The following DICER1 variants were observed in gnomAD, a reference collection of about 807,000 sequenced individuals.
The protein encoded by DICER1 is endoribonuclease Dicer.
Under a neutral mutation model 194.1 loss-of-function variants are expected in DICER1, and 43 were observed. The observed-to-expected ratio is 0.22, with a 90% CI of 0.17 to 0.29. The LOEUF is 0.29. DICER1 is among the 10% of genes least tolerant of loss of function. The pLI, the probability that DICER1 is intolerant of heterozygous loss-of-function variation, is 1.00. For missense variants in DICER1, 1,608 were observed against 2,317.0 expected (o/e 0.69, Z 6.28); for synonymous variants, 832 against 820.5 (o/e 1.01, Z -0.24).
At chr14:95,106,446 T>C (rs928562940) in intron 17 of DICER1, among the ~76,000 whole-genome samples, 3 of 152,196 alleles carry the variant, frequency 2.0e-5, no homozygotes, top group African/African-American at 2.4e-5. Context: ...ATTATTCTTG[T>C]TCTAAATATC....
chr14:95,088,286 C>G lies in DICER1; in HGVS notation c.*2212G>C, dbSNP rs1889500160. 1 of 231,848 alleles carries G rather than the reference C, an allele frequency of 4.3e-6. No individual in the cohort carries two copies. Among genetic ancestry groups the G allele is most frequent in the Non-Finnish European group, 8.5e-6 (1 of 117,066 alleles). 14.4% of individuals were successfully genotyped at this position (231,848 alleles called of 1,614,324 possible). ...TCTTAAGGTTACAAATATATTGAGG[C>G]ATTTTTCTCCCACTGGGAATCATAA... On this transcript the variant is annotated 3_prime_UTR_variant, in exon 27 of 27. Transcript: ENST00000343455.
intron 8 of DICER1, among the ~76,000 whole-genome samples, chr14:95,122,894 A>G (rs10137733): frequency 2.6e-5 from 4 of 152,048 alleles, no homozygotes; most frequent in African/African-American, 9.7e-5. Context: ...TAAAACCCCT[A>G]AACATTCAGA....
chr14:95,130,306 GT>G, intron 4 of DICER1, 114 bp from the exon 5 acceptor site: 1 of 1,035,466 alleles, frequency 9.7e-7, no homozygotes, highest in Non-Finnish European at 1.4e-6. Context: ...GAATTCATTA[GT>G]CAAAATTAAA....
chr14:95,144,554 C>A (rs751729974), intron 1 of DICER1, among the ~76,000 whole-genome samples: 1 of 152,074 alleles, frequency 6.6e-6, no homozygotes, highest in Non-Finnish European at 1.5e-5. Flanking sequence ...CTACCTAGAA[C>A]CATTTTTTTT....
At chr14:95,127,110 G>A (rs552254127) in intron 6 of DICER1, among the ~76,000 whole-genome samples, 4 of 152,278 alleles carry the variant, frequency 2.6e-5, no homozygotes, top group South Asian at 4.1e-4. Context: ...GGAGGATGAC[G>A]AAGGAAATGA....
At chr14:95,145,434 G>A (rs1895070212) in intron 1 of DICER1, among the ~76,000 whole-genome samples, 1 of 152,116 alleles carries the variant, frequency 6.6e-6, no homozygotes, top group South Asian at 2.1e-4. Context: ...TTACTGGCTG[G>A]ACAGACATCA....
intron 12 of DICER1, 114 bp downstream of exon 12, chr14:95,112,978 G>T (rs1038672893): frequency 3.5e-6 from 4 of 1,159,284 alleles, no homozygotes; most frequent in East Asian, 2.4e-5. Context: ...TCCTGCTCAT[G>T]AAAGTAGATT....
intron 1 of DICER1, chr14:95,134,430 AT>A (rs1226011113): frequency 1.3e-5 from 2 of 152,202 alleles, no homozygotes; most frequent in East Asian, 3.9e-4. Context: ...TGTCAGCAGG[AT>A]TTCCTCGCCC....
intron 1 of DICER1, among the ~76,000 whole-genome samples, chr14:95,153,974 T>TACA (rs1895682253): frequency 1.3e-5 from 2 of 152,332 alleles, no homozygotes; most frequent in Admixed American, 1.3e-4. Context: ...GTATAATACA[T>TACA]ACACTGGGCT....
At chr14:95,113,514 G>T (rs1157093881) in intron 11 of DICER1, among the ~76,000 whole-genome samples, 2 of 152,170 alleles carry the variant, frequency 1.3e-5, no homozygotes, top group African/African-American at 4.8e-5. Context: ...ATTTTAAATT[G>T]AATTTTGAAT....
intron 6 of DICER1, 69 bp downstream of exon 6, chr14:95,129,403 A>G: frequency 6.6e-7 from 1 of 1,506,604 alleles, no homozygotes. Context: ...AAGGTACTAC[A>G]AAAACACCAA....
chr14:95,097,469 A>G (rs990812815), intron 22 of DICER1, among the ~76,000 whole-genome samples: 14 of 152,242 alleles, frequency 9.2e-5, no homozygotes, highest in Non-Finnish European at 1.8e-4. Flanking sequence ...ATGAAACACA[A>G]CAATCCAATT....
chr14:95,102,726 T>C (rs1157330282), intron 21 of DICER1, among the ~76,000 whole-genome samples: 1 of 152,210 alleles, frequency 6.6e-6, no homozygotes, highest in African/African-American at 2.4e-5. Context: ...CTTACCTTCA[T>C]TCCTTTTCTT....
At chr14:95,149,351 T>A (rs894573085) in intron 1 of DICER1, among the ~76,000 whole-genome samples, 2 of 152,128 alleles carry the variant, frequency 1.3e-5, no homozygotes, top group Non-Finnish European at 2.9e-5. Flanking sequence ...ACGCACTACA[T>A]CATCATAGCT....
At chr14:95,116,410 T>A (rs759351131) in intron 10 of DICER1, 43 bp downstream of exon 10, 1 of 1,600,398 alleles carries the variant, frequency 6.2e-7, no homozygotes, top group Non-Finnish European at 8.5e-7. Context: ...CACATTAATT[T>A]TTTTTCCCAA....
In DICER1 at chr14:95,105,958, G is replaced by A. The variant is rs1891382661; in HGVS notation, c.2987+83C>T. On this transcript the variant is annotated intron_variant, in intron 18 of 26. Coordinates refer to ENST00000343455, the MANE Select transcript of DICER1 (RefSeq NM_177438.3). This position sits in a 1 kb window ranked among gnomAD's most constrained non-coding sequence, Gnocchi z 4.9. ...TCAGATAGTCCACGGGTGGGCAGGG[G>A]GACAGTGAACCTCTGCATGTCTAGT... 9 of 1,509,888 alleles carry A rather than the reference G, an allele frequency of 6.0e-6. No homozygotes were observed. Among genetic ancestry groups the A allele is most frequent in the African/African-American group, 1.4e-5 (1 of 72,914 alleles). The allele number at this position is 1,509,888 out of a possible 1,614,324, so 93.5% of individuals were successfully genotyped here. A position where few individuals can be genotyped will look rare whatever the true frequency, so the allele number is the denominator to read the frequency against.
intron 8 of DICER1, among the ~76,000 whole-genome samples, chr14:95,122,420 T>A (rs1284528076): frequency 6.6e-6 from 1 of 152,164 alleles, no homozygotes; most frequent in Non-Finnish European, 1.5e-5. Context: ...AGCATTAAAC[T>A]TTTTTGACTC....
Position 95,091,091 on chromosome 14 carries a change from A to G in DICER1, c.5546T>C (p.Val1849Ala). 2 of 1,614,136 alleles carry G rather than the reference A, an allele frequency of 1.2e-6. No homozygotes were observed. The highest frequency in any genetic ancestry group is 1.7e-6 in the Non-Finnish European group (2 of 1,180,002). ...CAATTCTCGCACAGGGGAACGGGGT[A>G]CATTTGCAGAAAACTTTTCTGCAAT... ...RPLIEKFSAN[V>A]PRSPVRELLE... is the part of the protein sequence containing the mutation. Residue 1849 changes from valine (V) to alanine (A), a missense_variant, in exon 26 of 27, where the codon GTA (valine) becomes GCA (alanine). Val to Ala is a moderately conservative substitution (Grantham distance 64, BLOSUM62 0). Coordinates refer to ENST00000343455, the MANE Select transcript of DICER1 (RefSeq NM_177438.3).
intron 12 of DICER1, 39 bp from the exon 13 acceptor site, chr14:95,112,286 C>T (rs756421225): frequency 1.9e-5 from 29 of 1,518,078 alleles, no homozygotes; most frequent in Middle Eastern, 1.7e-4. Flanking sequence ...ATATGCACAT[C>T]GCTGTATTAC....
Sources: allele counts gnomAD v4.1 joint callset (sites outside exome capture counted in the v4.1 genomes callset), GRCh38; gene constraint gnomAD v4.1.1; non-coding constraint Gnocchi (gnomAD v3.1); transcripts MANE v1.5; gene names NCBI Gene and HGNC (gene_info 2026-07-23, HGNC 2026-07-21).